ERICH3: variants seen among roughly 807,000 people sequenced by gnomAD.
ERICH3 encodes glutamate-rich protein 3.
Under a neutral mutation model 131.1 loss-of-function variants are expected in ERICH3, and 126 were observed. The ratio of observed to expected loss-of-function variants is 0.96; its 90% CI spans 0.83 to 1.11. The LOEUF (loss-of-function observed/expected upper bound fraction) is 1.11, where lower values mean the gene tolerates loss of function less well. ERICH3 is among the 50% of genes most tolerant of loss of function. The pLI is 0.00. For missense variants in ERICH3, 2,050 were observed against 1,810.7 expected (o/e 1.13, Z -2.40); for synonymous variants, 695 against 644.6 (o/e 1.08, Z -1.18).
chr1:74,571,087 G>A lies in ERICH3; in HGVS notation c.*18+12C>T, dbSNP rs764738870. On this transcript the variant is annotated intron_variant, in intron 14 of 14. Coordinates refer to ENST00000326665, the MANE Select transcript of ERICH3 (RefSeq NM_001002912.5). ...CTATTTAGTCCTACAAAGACATTAC[G>A]CTTAAACTCACTGTCTGCCAGCAAG... 2.2e-5 allele frequency: 35 copies of A among 1,595,710 alleles called. No individual in the cohort carries two copies. Among genetic ancestry groups the A allele is most frequent in the Non-Finnish European group, 3.0e-5 (35 of 1,172,044 alleles).
At chr1:74,578,640 T>G (rs541682536) in intron 12 of ERICH3, 1 of 152,440 alleles carries the variant, frequency 6.6e-6, no homozygotes, top group Non-Finnish European at 1.5e-5. Context: ...CCTTCCTTCC[T>G]TTCCTTTCCC....
At chr1:74,657,643 A>T (rs1455293037) in intron 1 of ERICH3, among the ~76,000 whole-genome samples, 7 of 152,106 alleles carry the variant, frequency 4.6e-5, no homozygotes, top group Non-Finnish European at 2.9e-5. Flanking sequence ...CCTTAATATG[A>T]TGGTTTGAAG....
At position 74,583,221 on chromosome 1, in the gene ERICH3, T is replaced by TTTTG. The variant is rs1035330651; in HGVS notation, c.2177-6289_2177-6286dup. On this transcript the variant is annotated intron_variant, in intron 12 of 14. Transcript: ENST00000326665. ...CTGTATATCTTGGGGGCTTCAGGGGTTTTGTTTGTTTGTTTGTTTTTACAG... is the reference window on the plus strand; with the variant it reads ...CTGTATATCTTGGGGGCTTCAGGGGTTTTGTTTGTTTGTTTGTTTGTTTTTACAG... Among the ~76,000 whole-genome samples the TTTTG allele has an allele frequency of 3.9e-5, 6 of 152,160 alleles. No individual in the cohort carries two copies. The East Asian group carries it at 9.6e-4, about 24-fold the overall frequency.
chr1:74,620,597 T>A, intron 8 of ERICH3, 137 bp downstream of exon 8: 1 of 670,376 alleles, frequency 1.5e-6, no homozygotes, highest in Non-Finnish European at 2.3e-6. Flanking sequence ...AGATTTACTT[T>A]TAGGCAGCTG....
intron 13 of ERICH3, among the ~76,000 whole-genome samples, chr1:74,573,881 T>C (rs1647005436): frequency 6.6e-6 from 1 of 151,996 alleles, no homozygotes; most frequent in Non-Finnish European, 1.5e-5. Context: ...CTCTTTCACA[T>C]ACATACAAGC....
At chr1:74,631,406 A>C (rs1396170268) in intron 7 of ERICH3, among the ~76,000 whole-genome samples, 3 of 152,116 alleles carry the variant, frequency 2.0e-5, no homozygotes, top group Non-Finnish European at 4.4e-5. Context: ...AGATGTTTCT[A>C]ACAACATGTG....
rs1557671788 is a variant in ERICH3, at chr1:74,589,666, T to C, written c.2141A>G (p.Asp714Gly). The change falls in exon 12 of 15, where the codon GAC (aspartate) becomes GGC (glycine). Residue 714 changes from aspartate (D) to glycine (G), a missense_variant. Transcript: ENST00000326665. ...CAACCCAGGGAGACCTGCCTTTTTG[T>C]CCTTCACCTGAGCAGTGCTTTCTTC... ...LWEESTAQVK[D>G]KKAGLPGLEE... is the part of the protein sequence containing the mutation. 6.2e-7 allele frequency: 1 copy of C among 1,614,036 alleles called. No homozygotes were observed.
Position 74,571,617 on chromosome 1 carries a change from T to C in ERICH3, c.4093A>G (p.Thr1365Ala). 1 of 1,614,148 alleles carries C rather than the reference T, an allele frequency of 6.2e-7. No homozygotes were observed. The highest frequency in any genetic ancestry group is 1.1e-5 in the South Asian group (1 of 91,082). Residue 1365 changes from threonine to alanine, a missense_variant, in exon 14 of 15, where the codon ACA (threonine) becomes GCA (alanine). By Grantham distance (58) the Thr-to-Ala change is moderately conservative. Coordinates refer to ENST00000326665, the MANE Select transcript of ERICH3 (RefSeq NM_001002912.5). ...TTTGCTATTGTTTTCTCCTCGGCTG[T>C]CTCCGAACCTGCCAACACCTCCCTC... ...EEREVLAGSE[T>A]AEEKTIANKA...
At chr1:74,636,897 G>A (rs1169655246) in intron 5 of ERICH3, among the ~76,000 whole-genome samples, 1 of 152,128 alleles carries the variant, frequency 6.6e-6, no homozygotes, top group Non-Finnish European at 1.5e-5. Flanking sequence ...CTTAAGACTG[G>A]TGCTGAAGTA....
At chr1:74,597,515 T>C (rs1336556008) in intron 11 of ERICH3, among the ~76,000 whole-genome samples, 2 of 152,038 alleles carry the variant, frequency 1.3e-5, no homozygotes, top group African/African-American at 2.4e-5. Context: ...ATAGTTTTCA[T>C]TGCATATCTA....
chr1:74,641,181 C>G (rs963886594), intron 5 of ERICH3, 150 bp downstream of exon 5: 2 of 863,888 alleles, frequency 2.3e-6, no homozygotes, highest in Non-Finnish European at 1.7e-6. Context: ...TCAGAAGAGA[C>G]AGAGTTGAAC....
At position 74,571,918 on chromosome 1, in the gene ERICH3, C is replaced by T. The variant is rs1290634023; in HGVS notation, c.3792G>A (p.Val1264=). ...LEGRAEGQGG[V]DVVLRTQEAV... Reference sequence around the variant, plus strand: ...CTTCCTGGGTCCTTAGCACGACATCCACTCCTCCTTGCCCTTCAGCTCTCC... The same window carrying T: ...CTTCCTGGGTCCTTAGCACGACATCTACTCCTCCTTGCCCTTCAGCTCTCC... Residue 1264 remains valine, a synonymous_variant, in exon 14 of 15, where the codon GTG becomes GTA. Transcript: ENST00000326665. The T allele has an allele frequency of 6.2e-7, 1 of 1,612,822 alleles. No individual in the cohort carries two copies. Among genetic ancestry groups the T allele is most frequent in the Non-Finnish European group, 8.5e-7 (1 of 1,180,042 alleles).
chr1:74,589,492 A>G, intron 12 of ERICH3, 139 bp downstream of exon 12: 4 of 817,080 alleles, frequency 4.9e-6, no homozygotes, highest in Middle Eastern at 3.8e-4. Context: ...ATTATGTGAC[A>G]AAGAGAGACA....
At chr1:74,620,941 A>G (rs111680735) in intron 7 of ERICH3, 27 bp from the exon 8 acceptor site, 16 of 1,478,660 alleles carry the variant, frequency 1.1e-5, no homozygotes, top group African/African-American at 4.3e-5. Context: ...AATGAGGCTT[A>G]TTAACGAATT....
chr1:74,602,914 G>C (rs1040763395), intron 10 of ERICH3, among the ~76,000 whole-genome samples: 11 of 151,920 alleles, frequency 7.2e-5, no homozygotes, highest in Admixed American at 2.6e-4. Flanking sequence ...ACAAAGACTA[G>C]AAGAGATTGT....
chr1:74,628,371 G>A (rs1242480368), intron 7 of ERICH3, among the ~76,000 whole-genome samples: 1 of 152,086 alleles, frequency 6.6e-6, no homozygotes, highest in Non-Finnish European at 1.5e-5. Flanking sequence ...CTCACGGGTG[G>A]ACGATTCATT....
Position 74,572,463 on chromosome 1 carries a change from C to G in ERICH3, c.3247G>C (p.Ala1083Pro), listed in dbSNP as rs1310638810. 1 of 1,614,084 alleles carries G rather than the reference C, an allele frequency of 6.2e-7. No individual in the cohort carries two copies. Among genetic ancestry groups the G allele is most frequent in the Non-Finnish European group, 8.5e-7 (1 of 1,180,018 alleles). The change falls in exon 14 of 15, where the codon GCA becomes CCA. Residue 1083 changes from alanine (A) to proline (P), a missense_variant. Transcript: ENST00000326665. ...TDSEREEVTR[A>P]NALKDEDAFK... ...GCATCTTCATCCTTGAGTGCATTTG[C>G]CCTTGTCACCTCTTCTCTCTCAGAG...
chr1:74,662,350 A>G (rs905745219), intron 1 of ERICH3, among the ~76,000 whole-genome samples: 2 of 152,186 alleles, frequency 1.3e-5, no homozygotes, highest in African/African-American at 4.8e-5. Context: ...AAGAAGAACT[A>G]TGGGAAAGAA....
At chr1:74,625,609 A>T (rs1649388128) in intron 7 of ERICH3, 1 of 152,124 alleles carries the variant, frequency 6.6e-6, no homozygotes, top group Non-Finnish European at 1.5e-5. Flanking sequence ...AATTGTATAT[A>T]TATATATCTG....
Sources: gnomAD v4.1 joint callset for allele counts (sites outside exome capture counted in the v4.1 genomes callset) on GRCh38, gnomAD v4.1.1 for gene constraint, MANE v1.5 for transcripts, NCBI Gene and HGNC (gene_info 2026-07-23, HGNC 2026-07-21) for gene names.